The following ANP32E variants were observed in gnomAD, a reference collection of about 807,000 sequenced individuals.
The protein encoded by ANP32E is acidic nuclear phosphoprotein 32 family member E.
Under a neutral mutation model 35.3 loss-of-function variants are expected in ANP32E, and 14 were observed. The ratio of observed to expected loss-of-function variants is 0.40; its 90% confidence interval spans 0.26 to 0.62. ANP32E has a LOEUF of 0.62. Ranked by LOEUF, ANP32E falls within the 20% of genes least tolerant of loss-of-function variation. ANP32E has a pLI of 0.45. For synonymous variants in ANP32E, 89 were observed against 110.4 expected (o/e 0.81, Z 1.22); for missense variants, 198 against 304.4 (o/e 0.65, Z 2.60).
intron 6 of ANP32E, among the ~76,000 whole-genome samples, chr1:150,222,699 C>A (rs1053849471): frequency 6.6e-6 from 1 of 151,372 alleles, no homozygotes; most frequent in Non-Finnish European, 1.5e-5. Flanking sequence ...ATTGAGACTG[C>A]AGTGAGCTGT....
chr1:150,228,009 C>A (rs1231201534), intron 4 of ANP32E, among the ~76,000 whole-genome samples: 1 of 151,402 alleles, frequency 6.6e-6, no homozygotes, highest in Non-Finnish European at 1.5e-5. Flanking sequence ...ATCAAGCAAC[C>A]AATAATCTAC....
intron 4 of ANP32E, 103 bp downstream of exon 4, chr1:150,228,969 T>A (rs1221551734): frequency 1.0e-6 from 1 of 997,232 alleles, no homozygotes; most frequent in Non-Finnish European, 1.5e-6. Flanking sequence ...TATCTTGTTG[T>A]GGATTTTTTT....
chr1:150,220,795 A>G, intron 6 of ANP32E, 34 bp from the exon 7 acceptor site: 1 of 1,555,970 alleles, frequency 6.4e-7, no homozygotes, highest in Non-Finnish European at 8.9e-7. Flanking sequence ...CAAAGTGCTT[A>G]ATTTTAACAA....
At chr1:150,227,627 A>G (rs587707008) in intron 4 of ANP32E, among the ~76,000 whole-genome samples, 1 of 151,630 alleles carries the variant, frequency 6.6e-6, no homozygotes, top group Admixed American at 6.6e-5. Context: ...AGAACTACCT[A>G]TTAGGCACTA....
At position 150,223,209 on chromosome 1, in the gene ANP32E, T is replaced by G; in HGVS notation, c.713A>C (p.Glu238Ala). ...DEEDDDDYVE[E>A]GEEEEEEEEG... Reference sequence around the variant, plus strand: ...ACCCTCTTCTTCCTCTTCTTCCCCTTCTTCAACATAGTCATCATCATCTTC... The same window carrying G: ...ACCCTCTTCTTCCTCTTCTTCCCCTGCTTCAACATAGTCATCATCATCTTC... Residue 238 changes from glutamate to alanine, a missense_variant, in exon 6 of 7, where the codon GAA becomes GCA. Around this residue, in one of 4 missense-constraint regions of ANP32E, gnomAD observed 121 missense variants for 137.3 expected, o/e 0.88. Transcript: ENST00000583931. The G allele has an allele frequency of 6.6e-7, 1 of 1,526,622 alleles. No individual in the cohort carries two copies. The highest frequency in any genetic ancestry group is 8.9e-7 in the Non-Finnish European group (1 of 1,123,820). 94.6% of individuals were successfully genotyped at this position (1,526,622 alleles called of 1,614,324 possible). A position where few individuals can be genotyped will look rare whatever the true frequency, so the allele number is the denominator to read the frequency against.
chr1:150,225,171 G>T (rs1553839436), intron 5 of ANP32E, among the ~76,000 whole-genome samples: 1 of 152,214 alleles, frequency 6.6e-6, no homozygotes, highest in Non-Finnish European at 1.5e-5. Context: ...TGATTTGGGT[G>T]GTGGTTGCAC....
At chr1:150,225,682 A>AAAT (rs1648814946) in intron 5 of ANP32E, among the ~76,000 whole-genome samples, 1 of 150,152 alleles carries the variant, frequency 6.7e-6, no homozygotes, top group Non-Finnish European at 1.5e-5. Context: ...AAAAAAAAAA[A>AAAT]AAAAAAAAAG....
At position 150,235,141 on chromosome 1, in the gene ANP32E, G is replaced by A. The variant is rs1242711206; in HGVS notation, c.54+592C>T. ...ACCCGCCGCTGACCCAGATTCCGCCGGGCGAAGGGCAGAGGGCGGCGCGCG... is the reference window on the plus strand; with the variant it reads ...ACCCGCCGCTGACCCAGATTCCGCCAGGCGAAGGGCAGAGGGCGGCGCGCG... On this transcript the variant is annotated intron_variant, in intron 1 of 6. Transcript: ENST00000583931. This position sits in a 1 kb window ranked among gnomAD's most constrained non-coding sequence, Gnocchi z 4.2. 6.6e-6 allele frequency among the ~76,000 whole-genome samples: 1 copy of A among 152,180 alleles called. No homozygotes were observed. Among genetic ancestry groups the A allele is most frequent in the Non-Finnish European group, 1.5e-5 (1 of 68,022 alleles).
At chr1:150,225,716 T>C (rs1444469461) in intron 5 of ANP32E, among the ~76,000 whole-genome samples, 1 of 83,582 alleles carries the variant, frequency 1.2e-5, no homozygotes, top group East Asian at 3.1e-4. Flanking sequence ...AGGCCAGAAA[T>C]GAAAGGCCTT....
intron 5 of ANP32E, among the ~76,000 whole-genome samples, chr1:150,223,681 C>CAA (rs781932099): frequency 0.018 from 1,340 of 76,234 alleles, 37 homozygotes; most frequent in Middle Eastern, 0.096. Context: ...GGCTTCATCT[C>CAA]AAAAAAAAAA....
At chr1:150,234,296 G>GT (rs1572035356) in intron 1 of ANP32E, among the ~76,000 whole-genome samples, 110 of 422 alleles carry the variant, frequency 0.26, no homozygotes, top group African/African-American at 0.4. Context: ...GTTTGATTTT[G>GT]GTTTTTTTAT....
rs1649738830 is a variant in ANP32E, at chr1:150,235,845, C to T, written c.-59G>A. The T allele has an allele frequency of 2.3e-6, 3 of 1,292,730 alleles. No individual in the cohort carries two copies. The highest frequency in any genetic ancestry group is 3.3e-6 in the Non-Finnish European group (3 of 911,190). The allele number at this position is 1,292,730 out of a possible 1,614,324, so 80.1% of individuals were successfully genotyped here. A position where few individuals can be genotyped will look rare whatever the true frequency, so the allele number is the denominator to read the frequency against. On this transcript the variant is annotated 5_prime_UTR_variant, in exon 1 of 7. Coordinates refer to ENST00000583931, the MANE Select transcript of ANP32E (RefSeq NM_030920.5). The surrounding 1 kb of genome is among the most constrained non-coding windows in gnomAD (Gnocchi z 4.2). ...TTTCCCTTTCCTGCCTTCCCCAATACCCCCAACCCAAAATTTTTAAGAGAT... is the reference window on the plus strand; with the variant it reads ...TTTCCCTTTCCTGCCTTCCCCAATATCCCCAACCCAAAATTTTTAAGAGAT...
chr1:150,233,126 G>A (rs1285007483), intron 1 of ANP32E, among the ~76,000 whole-genome samples: 3 of 151,902 alleles, frequency 2.0e-5, no homozygotes, highest in Non-Finnish European at 4.4e-5. Context: ...TCAGCCGGGC[G>A]TGATGGTGGG....
intron 2 of ANP32E, among the ~76,000 whole-genome samples, chr1:150,230,917 A>G (rs1318262747): frequency 6.6e-6 from 1 of 151,984 alleles, no homozygotes; most frequent in East Asian, 1.9e-4. Context: ...TAACTTTTGT[A>G]TTTTTGGTAC....
chr1:150,235,486 T>C lies in ANP32E; in HGVS notation c.54+247A>G, dbSNP rs183368405. Among the ~76,000 whole-genome samples the C allele has an allele frequency of 5.0e-3, 757 of 152,338 alleles. 5 individuals carry two copies. The highest frequency in any genetic ancestry group is 0.017 in the African/African-American group (721 of 41,586). On this transcript the variant is annotated intron_variant, in intron 1 of 6. Coordinates refer to ENST00000583931, the MANE Select transcript of ANP32E (RefSeq NM_030920.5). This position sits in a 1 kb window ranked among gnomAD's most constrained non-coding sequence, Gnocchi z 4.2. ...CACGAGGTCAGGACGCCCGACTCGA[T>C]GAAAGCCGAAAGGAGCTAAGCCCCC...
chr1:150,225,566 G>A (rs1246156098), intron 5 of ANP32E, among the ~76,000 whole-genome samples: 1 of 151,218 alleles, frequency 6.6e-6, no homozygotes, highest in Non-Finnish European at 1.5e-5. Flanking sequence ...AGCTACTTGG[G>A]AGGCTGAGGT....
intron 5 of ANP32E, among the ~76,000 whole-genome samples, chr1:150,225,037 T>C (rs1648753878): frequency 1.3e-5 from 2 of 152,116 alleles, no homozygotes; most frequent in Admixed American, 6.6e-5. Context: ...CTGTAGGCAA[T>C]AGAATTCTGA....
rs1426264227 is a variant in ANP32E, at chr1:150,234,461, AC to A, written c.54+1271del. On this transcript the variant is annotated intron_variant, in intron 1 of 6. Coordinates refer to ENST00000583931, the MANE Select transcript of ANP32E (RefSeq NM_030920.5). ...AAAAAAATCTTAGTTGCCACTCCAC[AC>A]GCCGGACGCGAAAGCCCAGACAGAC... The A allele has an allele frequency of 8.9e-5, 38 of 426,720 alleles. No individual in the cohort carries two copies. In the Middle Eastern group the frequency reaches 3.6e-3, roughly 40 times the overall value. 26.4% of individuals were successfully genotyped at this position (426,720 alleles called of 1,614,324 possible).
In ANP32E at chr1:150,230,645, C is replaced by G. The variant is rs782204447; in HGVS notation, c.253G>C (p.Glu85Gln). 1 of 1,613,652 alleles carries G rather than the reference C, an allele frequency of 6.2e-7. No individual in the cohort carries two copies. The highest frequency in any genetic ancestry group is 8.5e-7 in the Non-Finnish European group (1 of 1,179,752). ...AGGTAGGTAAGATTTGGACATTTCT[C>G]TGCCAGGACTTCCAAGCCTCCAGAA... is the stretch of plus-strand genomic sequence containing the variant. ...IISGGLEVLA[E>Q]KCPNLTYLNL... The change falls in exon 3 of 7, where the codon GAG becomes CAG. Residue 85 changes from glutamate to glutamine, a missense_variant. Glu to Gln is a conservative substitution (Grantham distance 29, BLOSUM62 2). Coordinates refer to ENST00000583931, the MANE Select transcript of ANP32E (RefSeq NM_030920.5).
Sources: allele counts gnomAD v4.1 joint callset (sites outside exome capture counted in the v4.1 genomes callset), GRCh38; gene constraint gnomAD v4.1.1; regional missense constraint gnomAD v4.1.1; non-coding constraint Gnocchi (gnomAD v3.1); transcripts MANE v1.5; gene names NCBI Gene and HGNC (gene_info 2026-07-23, HGNC 2026-07-21).